The following PDGFA variants were observed in gnomAD, a reference collection of about 807,000 sequenced individuals.
PDGFA encodes the protein platelet derived growth factor subunit A, also known as platelet-derived growth factor subunit A.
PDGFA carries 9 observed loss-of-function variants against 25.6 expected under a neutral mutation model. The observed-to-expected ratio is 0.35, with a 90% CI of 0.21 to 0.61. PDGFA has a LOEUF of 0.61. Ranked by LOEUF, PDGFA falls within the 20% of genes least tolerant of loss-of-function variation. PDGFA has a pLI of 0.75. For missense variants in PDGFA, 242 were observed against 272.8 expected, an observed-to-expected ratio of 0.89 and a Z score of 0.79; for synonymous variants, 133 against 111.8, an observed-to-expected ratio of 1.19 and a Z score of -1.20.
At chr7:503,354 C>T (rs1357691380) in intron 4 of PDGFA, among the ~76,000 whole-genome samples, 3 of 152,136 alleles carry the variant, frequency 2.0e-5, no homozygotes, top group Non-Finnish European at 4.4e-5. Flanking sequence ...ACCCACTTCA[C>T]CCCTCACGGT....
At chr7:520,015 G>C (rs1783305545), upstream of PDGFA, 2 of 382,704 alleles carry the variant, frequency 5.2e-6, no homozygotes, top group Non-Finnish European at 1.0e-5. Context: ...CCGCCGCCGC[G>C]GCAGGGAGCA....
chr7:512,256 A>G, intron 3 of PDGFA, 95 bp downstream of exon 3: 4 of 1,170,096 alleles, frequency 3.4e-6, no homozygotes, highest in Non-Finnish European at 4.8e-6. Flanking sequence ...GAGAGCGGGC[A>G]GCTCCTCCCC....
chr7:500,451 G>A lies in PDGFA; in HGVS notation c.580+665C>T, dbSNP rs772850623. The A allele has an allele frequency of 1.2e-5, 20 of 1,614,012 alleles. No homozygotes were observed. In the South Asian group the frequency reaches 2.2e-4, roughly 18 times the overall value. ...CCTACCTGGTTGGCTGCTTTAGGTG[G>A]GTTTTAACCTTTTTCTTTTCCGTTT... On this transcript the variant is annotated intron_variant, in intron 5 of 5. Transcript: ENST00000402802. The surrounding 1 kb of genome is among the most constrained non-coding windows in gnomAD (Gnocchi z 5.0).
Position 511,140 on chromosome 7 carries a change from T to C in PDGFA, c.266-144A>G, listed in dbSNP as rs1832318076. ...TCCTCCCAGGCAGCAGAGGCTGAGC[T>C]GGGAGCAGAGGCTTAGGGGCTGGGT... On this transcript the variant is annotated intron_variant, in intron 3 of 5. Coordinates refer to ENST00000402802, the Ensembl canonical transcript of PDGFA. 5.9e-6 allele frequency: 4 copies of C among 672,738 alleles called. No homozygotes were observed. The South Asian group carries it at 7.4e-5, about 12-fold the overall frequency. The allele number at this position is 672,738 out of a possible 1,614,324, so 41.7% of individuals were successfully genotyped here.
chr7:508,773 T>C (rs1214806415), intron 4 of PDGFA, among the ~76,000 whole-genome samples: 1 of 151,836 alleles, frequency 6.6e-6, no homozygotes, highest in African/African-American at 2.4e-5. Context: ...AGCCCATCCC[T>C]CCCAGATGGG....
At chr7:518,122 G>A (rs556487903) in intron 1 of PDGFA, among the ~76,000 whole-genome samples, 58 of 152,266 alleles carry the variant, frequency 3.8e-4, no homozygotes, top group Middle Eastern at 3.4e-3. Context: ...GCCGGCGGCC[G>A]GGAGAAGAAG....
At chr7:502,882 T>C (rs141553059) in intron 4 of PDGFA, among the ~76,000 whole-genome samples, 1 of 148,892 alleles carries the variant, frequency 6.7e-6, no homozygotes, top group Non-Finnish European at 1.5e-5. Context: ...TGCACACACA[T>C]ACCCTGTCAT....
chr7:506,617 T>A (rs1005604571), intron 4 of PDGFA, among the ~76,000 whole-genome samples: 4 of 152,170 alleles, frequency 2.6e-5, no homozygotes, highest in Middle Eastern at 3.2e-3. Context: ...CCTGCAGTCC[T>A]CGGGCTGGCA....
intron 4 of PDGFA, among the ~76,000 whole-genome samples, chr7:508,930 C>T (rs150060324): frequency 6.6e-6 from 1 of 152,268 alleles, no homozygotes; most frequent in Admixed American, 6.5e-5. Context: ...GCAGCAGCCT[C>T]GGCTCTCCCA....
At chr7:503,191 C>T (rs9691780) in intron 4 of PDGFA, among the ~76,000 whole-genome samples, 83,240 of 151,982 alleles carry the variant, frequency 0.55, 23,081 homozygotes, top group Non-Finnish European at 0.59. Flanking sequence ...GGCTGTCCCA[C>T]CTGCCCCCTG....
rs186630411 is a variant in PDGFA at position 498,189 on chromosome 7, C to T, written c.*375G>A. On this transcript the variant is annotated 3_prime_UTR_variant, in exon 6 of 6. Transcript: ENST00000402802. The stretch of plus-strand genomic sequence containing the variant: ...CTCGGCAAAAAAGCACCTGTGACCA[C>T]CCGGACAGAAATCCAGTCTGCTGAG... 2.1e-5 allele frequency: 5 copies of T among 240,744 alleles called. No homozygotes were observed. The East Asian group carries it at 4.0e-4, about 19-fold the overall frequency. 14.9% of individuals were successfully genotyped at this position (240,744 alleles called of 1,614,324 possible).
At chr7:507,343 G>T (rs974226371) in intron 4 of PDGFA, among the ~76,000 whole-genome samples, 7 of 152,224 alleles carry the variant, frequency 4.6e-5, no homozygotes, top group African/African-American at 1.7e-4. Flanking sequence ...CGGCAGATGA[G>T]ACCCAGAGGG....
At chr7:518,974 G>A in exon 1 of PDGFA, 2 of 1,542,020 alleles carry the variant, frequency 1.3e-6, no homozygotes, top group Non-Finnish European at 1.7e-6. Flanking sequence ...CCGCAGCCGA[G>A]GAGCAGCAGG....
chr7:501,121 T>A, exon 5 of PDGFA: 1 of 1,614,200 alleles, frequency 6.2e-7, no homozygotes, highest in Non-Finnish European at 8.5e-7. Flanking sequence ...CTCACCCGTG[T>A]CCTCTTCCCG....
chr7:517,209 G>GCTGGGAGAGAAAGTGGAGA lies in PDGFA; in HGVS notation c.160+166_160+184dup, dbSNP rs1783146276. On this transcript the variant is annotated intron_variant, in intron 2 of 5. Transcript: ENST00000402802. This position sits in a 1 kb window ranked among gnomAD's most constrained non-coding sequence, Gnocchi z 7.4. ...GGCGAGCGAGCAGCCCTCGGCCGCCGCTGGGAGAGAAAGTGGAGACTGGAA... is the reference window on the plus strand; with the variant it reads ...GGCGAGCGAGCAGCCCTCGGCCGCCGCTGGGAGAGAAAGTGGAGACTGGGAGAGAAAGTGGAGACTGGAA... Among the ~76,000 whole-genome samples the GCTGGGAGAGAAAGTGGAGA allele has an allele frequency of 2.0e-5, 3 of 151,318 alleles. No individual in the cohort carries two copies. The highest frequency in any genetic ancestry group is 4.4e-5 in the Non-Finnish European group (3 of 67,790).
chr7:515,680 T>C (rs1258612550), intron 2 of PDGFA, among the ~76,000 whole-genome samples: 1 of 152,138 alleles, frequency 6.6e-6, no homozygotes, highest in Non-Finnish European at 1.5e-5. Context: ...CCACTCTGCA[T>C]TCCCTGGGGC....
chr7:515,818 T>G (rs1045273501), intron 2 of PDGFA, among the ~76,000 whole-genome samples: 4 of 151,956 alleles, frequency 2.6e-5, no homozygotes, highest in Non-Finnish European at 5.9e-5. Context: ...AGGAATGCCA[T>G]CAGCATACCC....
At chr7:505,698 G>C (rs1200048630) in intron 4 of PDGFA, among the ~76,000 whole-genome samples, 1 of 152,164 alleles carries the variant, frequency 6.6e-6, no homozygotes, top group East Asian at 1.9e-4. Context: ...CACAGACAAG[G>C]GAAGCCCCTT....
chr7:512,870 G>T (rs1369690236), intron 2 of PDGFA: 2 of 305,426 alleles, frequency 6.5e-6, no homozygotes, highest in Admixed American at 8.2e-5. Flanking sequence ...ACAGGGCTAA[G>T]CCAGGCCCCA....
Sources: allele counts gnomAD v4.1 joint callset (sites outside exome capture counted in the v4.1 genomes callset), GRCh38; gene constraint gnomAD v4.1.1; non-coding constraint Gnocchi (gnomAD v3.1); transcripts MANE v1.5; gene names NCBI Gene and HGNC (gene_info 2026-07-23, HGNC 2026-07-21).